OCA2: variants seen among roughly 807,000 people sequenced by gnomAD.
OCA2 encodes the protein P protein.
In OCA2, 77 loss-of-function variants were observed where a neutral mutation model predicts 100.2. The observed-to-expected ratio is 0.77, with a 90% CI of 0.64 to 0.93. OCA2 has a LOEUF of 0.93. Ranked by LOEUF, OCA2 falls within the 40% of genes least tolerant of loss-of-function variation. The probability of loss-of-function intolerance (pLI) is 0.00; values close to 1 mark genes in which losing one functional copy is unlikely to be tolerated. For missense variants in OCA2, 1,062 were observed against 1,089.1 expected (o/e 0.98, Z 0.35); for synonymous variants, 432 against 439.2 (o/e 0.98, Z 0.21).
chr15:27,838,890 AG>A (rs2035247188), intron 23 of OCA2, among the ~76,000 whole-genome samples: 1 of 152,234 alleles, frequency 6.6e-6, no homozygotes, highest in Non-Finnish European at 1.5e-5. Flanking sequence ...CTCAAAGATT[AG>A]CTTCACCTGT....
intron 6 of OCA2, among the ~76,000 whole-genome samples, chr15:28,019,591 T>A (rs1175292108): frequency 6.6e-6 from 1 of 151,684 alleles, no homozygotes. Flanking sequence ...TAAAGGAGAG[T>A]GGTGCTTTCT....
intron 23 of OCA2, among the ~76,000 whole-genome samples, chr15:27,817,700 T>C (rs913291159): frequency 2.6e-5 from 4 of 152,172 alleles, no homozygotes; most frequent in African/African-American, 7.2e-5. Flanking sequence ...CCTGTGATCA[T>C]TAAACTGTTT....
chr15:27,806,514 C>T (rs1377483982), intron 23 of OCA2, among the ~76,000 whole-genome samples: 1 of 152,130 alleles, frequency 6.6e-6, no homozygotes, highest in East Asian at 1.9e-4. Flanking sequence ...GGAGAAGGGT[C>T]GGGGTAGAAG....
At chr15:27,753,131 G>A (rs2030130108), downstream of OCA2, among the ~76,000 whole-genome samples, 2 of 152,092 alleles carry the variant, frequency 1.3e-5, no homozygotes, top group East Asian at 1.9e-4. Flanking sequence ...ACTAAGCTAC[G>A]AGGGAGTTGA....
intron 23 of OCA2, among the ~76,000 whole-genome samples, chr15:27,756,800 C>G (rs1337131102): frequency 6.6e-6 from 1 of 152,174 alleles, no homozygotes; most frequent in Non-Finnish European, 1.5e-5. Flanking sequence ...AGCAAATTTG[C>G]CTGCCAAGGG....
chr15:27,863,785 T>C (rs1269781078), intron 21 of OCA2, among the ~76,000 whole-genome samples: 1 of 152,196 alleles, frequency 6.6e-6, no homozygotes, highest in Non-Finnish European at 1.5e-5. Context: ...GCCTAACACT[T>C]TGCTCTTCTT....
At chr15:27,963,791 A>G (rs554662902) in intron 15 of OCA2, among the ~76,000 whole-genome samples, 1 of 152,228 alleles carries the variant, frequency 6.6e-6, no homozygotes, top group Non-Finnish European at 1.5e-5. Flanking sequence ...AGAGAAAAAA[A>G]TTGTAGAGAA....
At chr15:27,881,027 C>T (rs4778127) in intron 19 of OCA2, among the ~76,000 whole-genome samples, 37,604 of 151,966 alleles carry the variant, frequency 0.25, 5,661 homozygotes, top group East Asian at 0.56. Flanking sequence ...TTTTGAGGTA[C>T]AGTTCCATCA....
the OCA2 span, among the ~76,000 whole-genome samples, chr15:27,719,080 T>C: frequency 6.6e-6 from 1 of 152,244 alleles, no homozygotes; most frequent in African/African-American, 2.4e-5. Context: ...TCACAGCATG[T>C]TGGGATTTAA....
At chr15:27,923,124 T>C (rs1287012400) in intron 19 of OCA2, among the ~76,000 whole-genome samples, 1 of 152,204 alleles carries the variant, frequency 6.6e-6, no homozygotes, top group African/African-American at 2.4e-5. Flanking sequence ...TCCATCCATG[T>C]TTCTGCAAAA....
At chr15:27,861,597 C>A (rs1489346482) in intron 21 of OCA2, among the ~76,000 whole-genome samples, 1 of 152,024 alleles carries the variant, frequency 6.6e-6, no homozygotes, top group Non-Finnish European at 1.5e-5. Context: ...GGGAAAGATT[C>A]TGAGGGGTGG....
At chr15:27,947,167 T>C (rs1412195251) in intron 18 of OCA2, among the ~76,000 whole-genome samples, 1 of 152,262 alleles carries the variant, frequency 6.6e-6, no homozygotes, top group Non-Finnish European at 1.5e-5. Context: ...ACATGTTAAA[T>C]GAATGTGTTT....
intron 23 of OCA2, among the ~76,000 whole-genome samples, chr15:27,814,086 C>T (rs1364589344): frequency 6.6e-6 from 1 of 151,956 alleles, no homozygotes; most frequent in East Asian, 1.9e-4. Flanking sequence ...TTCTTTGAAA[C>T]ATACAATCAA....
chr15:27,965,993 C>T (rs1330320590), intron 15 of OCA2, among the ~76,000 whole-genome samples: 1 of 148,912 alleles, frequency 6.7e-6, no homozygotes, highest in African/African-American at 2.6e-5. Context: ...GTTTTTGAGA[C>T]AGAGTTTCAC....
chr15:27,998,943 G>T (rs1253892239), intron 9 of OCA2, among the ~76,000 whole-genome samples: 1 of 149,058 alleles, frequency 6.7e-6, no homozygotes, highest in Non-Finnish European at 1.5e-5. Context: ...GTAAACTATC[G>T]CAAGGACAAA....
At chr15:28,021,066 A>T (rs996547136) in intron 6 of OCA2, among the ~76,000 whole-genome samples, 2 of 152,268 alleles carry the variant, frequency 1.3e-5, no homozygotes, top group African/African-American at 4.8e-5. Flanking sequence ...CTATCAAGTA[A>T]GTAGACTAAA....
At chr15:27,915,247 C>T (rs1216595092) in intron 19 of OCA2, among the ~76,000 whole-genome samples, 2 of 151,966 alleles carry the variant, frequency 1.3e-5, no homozygotes, top group Non-Finnish European at 2.9e-5. Flanking sequence ...AACCTAAAAC[C>T]ATAAAAACCC....
At chr15:27,870,073 G>T (rs2036483079) in intron 21 of OCA2, among the ~76,000 whole-genome samples, 1 of 152,246 alleles carries the variant, frequency 6.6e-6, no homozygotes, top group Admixed American at 6.5e-5. Flanking sequence ...GAGGGATGCA[G>T]GTTCCCAGAT....
At chr15:27,836,096 T>C (rs1042005078) in intron 23 of OCA2, among the ~76,000 whole-genome samples, 3 of 152,126 alleles carry the variant, frequency 2.0e-5, no homozygotes, top group Non-Finnish European at 2.9e-5. Context: ...TGCTCCTAGC[T>C]CTCAGCTCCT....
Sources: gnomAD v4.1 joint callset for allele counts (sites outside exome capture counted in the v4.1 genomes callset) on GRCh38, gnomAD v4.1.1 for gene constraint, MANE v1.5 for transcripts, NCBI Gene and HGNC (gene_info 2026-07-23, HGNC 2026-07-21) for gene names.